LPP: variants seen among roughly 807,000 people sequenced by gnomAD.
LPP encodes LIM domain containing preferred translocation partner in lipoma, also known as lipoma-preferred partner.
In LPP, 38 loss-of-function variants were observed where a neutral mutation model predicts 60.4. The ratio of observed to expected loss-of-function variants is 0.63; its 90% CI spans 0.49 to 0.83. The LOEUF (loss-of-function observed/expected upper bound fraction) is 0.83. Among genes scored for constraint, LPP ranks in the 40% least tolerant of loss-of-function variants. LPP has a pLI of 0.00. For synonymous variants in LPP, 328 were observed against 290.8 expected, an observed-to-expected ratio of 1.13 and a Z score of -1.30; for missense variants, 902 against 783.6, an observed-to-expected ratio of 1.15 and a Z score of -1.80.
At chr3:188,173,694 T>A (rs762495998) in intron 1 of LPP, among the ~76,000 whole-genome samples, 5 of 152,090 alleles carry the variant, frequency 3.3e-5, no homozygotes, top group African/African-American at 7.2e-5. Flanking sequence ...TTTATCTCCC[T>A]GAAGGGCTCC....
At chr3:188,777,294 T>G (rs1049311276) in intron 9 of LPP, among the ~76,000 whole-genome samples, 3 of 151,402 alleles carry the variant, frequency 2.0e-5, no homozygotes, top group Non-Finnish European at 4.4e-5. Context: ...CATCTAGGTT[T>G]TTTTTTTTTT....
intron 4 of LPP, among the ~76,000 whole-genome samples, chr3:188,411,415 C>G (rs1056596205): frequency 1.3e-5 from 2 of 152,066 alleles, no homozygotes; most frequent in African/African-American, 4.8e-5. Context: ...TACTGGGTAT[C>G]TACCCAAAGG....
chr3:188,392,192 A>G (rs959202367), intron 3 of LPP, among the ~76,000 whole-genome samples: 3 of 152,232 alleles, frequency 2.0e-5, no homozygotes, highest in Non-Finnish European at 4.4e-5. Flanking sequence ...AGTTAATTAT[A>G]TAACAGAATG....
chr3:188,657,256 G>GAGTATATATATATATATATATA (rs1853422617), intron 7 of LPP, among the ~76,000 whole-genome samples: 1 of 5,784 alleles, frequency 1.7e-4, no homozygotes, highest in Non-Finnish European at 3.3e-4. Flanking sequence ...AGCTGTCAAG[G>GAGTATATATATATATATATATA]TGTATATATA....
intron 7 of LPP, among the ~76,000 whole-genome samples, chr3:188,620,387 T>G (rs1383955571): frequency 6.6e-6 from 1 of 152,186 alleles, no homozygotes; most frequent in Non-Finnish European, 1.5e-5. Flanking sequence ...TCTACAGATT[T>G]AACAATTTTG....
chr3:188,838,025 A>G (rs1758922478), intron 9 of LPP, among the ~76,000 whole-genome samples: 1 of 152,156 alleles, frequency 6.6e-6, no homozygotes, highest in Non-Finnish European at 1.5e-5. Flanking sequence ...TTGTCTTATT[A>G]AAAAGCCTAT....
intron 7 of LPP, among the ~76,000 whole-genome samples, chr3:188,707,689 C>G (rs575332537): frequency 6.6e-6 from 1 of 152,298 alleles, no homozygotes; most frequent in East Asian, 1.9e-4. Context: ...TATGTGGTCC[C>G]GAAGTACACA....
chr3:188,341,320 T>C (rs1425994234), intron 2 of LPP, among the ~76,000 whole-genome samples: 1 of 152,220 alleles, frequency 6.6e-6, no homozygotes, highest in African/African-American at 2.4e-5. Context: ...CTGTGTAATC[T>C]TGGGCAAATT....
intron 7 of LPP, among the ~76,000 whole-genome samples, chr3:188,626,144 T>C (rs1846792663): frequency 6.6e-6 from 1 of 152,146 alleles, no homozygotes; most frequent in African/African-American, 2.4e-5. Flanking sequence ...AGGACTGCTA[T>C]AACAAAATAC....
chr3:188,471,660 C>T (rs1251160319), intron 4 of LPP, among the ~76,000 whole-genome samples: 1 of 152,164 alleles, frequency 6.6e-6, no homozygotes, highest in Non-Finnish European at 1.5e-5. Flanking sequence ...GCTAGAGGTT[C>T]ATTTGATGAT....
chr3:188,389,953 A>C (rs1029058748), intron 3 of LPP, among the ~76,000 whole-genome samples: 1 of 152,060 alleles, frequency 6.6e-6, no homozygotes, highest in Non-Finnish European at 1.5e-5. Context: ...AGGTGAGCAA[A>C]CCTGGAGTTT....
intron 9 of LPP, among the ~76,000 whole-genome samples, chr3:188,849,973 C>G (rs1762351954): frequency 6.6e-6 from 1 of 152,180 alleles, no homozygotes; most frequent in Non-Finnish European, 1.5e-5. Context: ...GATACATACT[C>G]TGTTCATTTT....
intron 7 of LPP, among the ~76,000 whole-genome samples, chr3:188,634,329 T>C (rs1004887257): frequency 1.3e-5 from 2 of 152,196 alleles, no homozygotes; most frequent in African/African-American, 4.8e-5. Flanking sequence ...GTGATAGGAA[T>C]GGAGGTAGAG....
intron 7 of LPP, among the ~76,000 whole-genome samples, chr3:188,638,664 A>C (rs1849361217): frequency 6.7e-6 from 1 of 148,776 alleles, no homozygotes; most frequent in African/African-American, 2.5e-5. Context: ...AACTTCAGCA[A>C]AGTCTCAGGA....
At chr3:188,156,156 G>T (rs1716337466) in intron 1 of LPP, among the ~76,000 whole-genome samples, 1 of 152,218 alleles carries the variant, frequency 6.6e-6, no homozygotes, top group South Asian at 2.1e-4. Context: ...TATTCTGAAT[G>T]GTAGGGGTAA....
At chr3:188,608,909 T>C (rs1580360476) in intron 6 of LPP, among the ~76,000 whole-genome samples, 2 of 152,186 alleles carry the variant, frequency 1.3e-5, no homozygotes, top group African/African-American at 4.8e-5. Flanking sequence ...TTTCCAAGTT[T>C]TTTATGCTAC....
intron 3 of LPP, among the ~76,000 whole-genome samples, chr3:188,374,224 G>GT (rs1774228597): frequency 6.6e-6 from 1 of 151,968 alleles, no homozygotes; most frequent in African/African-American, 2.4e-5. Context: ...CTTTAAAGTA[G>GT]TTTTTTCCAA....
chr3:188,642,763 C>A (rs1850405628), intron 7 of LPP, among the ~76,000 whole-genome samples: 1 of 152,024 alleles, frequency 6.6e-6, no homozygotes, highest in African/African-American at 2.4e-5. Flanking sequence ...ATAGAGAAAC[C>A]CTGTCTCTAC....
intron 2 of LPP, among the ~76,000 whole-genome samples, chr3:188,301,817 C>A (rs1749957901): frequency 6.6e-6 from 1 of 151,904 alleles, no homozygotes; most frequent in Non-Finnish European, 1.5e-5. Flanking sequence ...CAATGCCCAG[C>A]TAATTTTTTT....
Sources: allele counts gnomAD v4.1 joint callset (sites outside exome capture counted in the v4.1 genomes callset), GRCh38; gene constraint gnomAD v4.1.1; transcripts MANE v1.5; gene names NCBI Gene and HGNC (gene_info 2026-07-23, HGNC 2026-07-21).